Variants in KMT2C observed in about 807,000 individuals in gnomAD.
KMT2C encodes histone-lysine N-methyltransferase 2C.
In KMT2C, 88 loss-of-function variants were observed where a neutral mutation model predicts 507.9. The ratio of observed to expected loss-of-function variants is 0.17; its 90% CI spans 0.15 to 0.21. The LOEUF (loss-of-function observed/expected upper bound fraction) is 0.21. Among genes scored for constraint, KMT2C ranks in the 10% least tolerant of loss-of-function variants. The pLI is 1.00. For missense variants in KMT2C, 4,954 were observed against 5,957.8 expected (o/e 0.83, Z 5.55); for synonymous variants, 2,049 against 2,080.8 (o/e 0.98, Z 0.42).
At chr7:152,390,650 C>A (rs374466206) in intron 1 of KMT2C, among the ~76,000 whole-genome samples, 1 of 151,090 alleles carries the variant, frequency 6.6e-6, no homozygotes, top group Non-Finnish European at 1.5e-5. Flanking sequence ...CAAGATCAAA[C>A]AGATTAAATG....
chr7:152,372,361 G>A lies in KMT2C; in HGVS notation c.162-13686C>T, dbSNP rs190413308. On this transcript the variant is annotated intron_variant, in intron 1 of 58. Transcript: ENST00000262189. Reference sequence around the variant, plus strand: ...AGTAAAGATGGGGTTTCACCATGTTGGTCAGGCTGGTCTCAAACTCCTGAC... The same window carrying A: ...AGTAAAGATGGGGTTTCACCATGTTAGTCAGGCTGGTCTCAAACTCCTGAC... Among the ~76,000 whole-genome samples, 326 of 152,074 alleles carry A rather than the reference G, an allele frequency of 2.1e-3. 3 individuals are homozygous for A. The highest frequency in any genetic ancestry group is 0.01 in the Middle Eastern group (3 of 294).
chr7:152,136,983 G>T, intron 58 of KMT2C, 59 bp from the exon 59 acceptor site: 2 of 1,249,992 alleles, frequency 1.6e-6, no homozygotes, highest in Non-Finnish European at 2.3e-6. Flanking sequence ...TAGCGTTTCT[G>T]CCTCCATCTC....
chr7:152,193,091 G>A (rs1286501265), intron 31 of KMT2C, among the ~76,000 whole-genome samples: 3 of 152,106 alleles, frequency 2.0e-5, no homozygotes, highest in African/African-American at 4.8e-5. Flanking sequence ...CAGTAGGATC[G>A]CTTGAGCCCA....
chr7:152,322,367 A>G (rs760830522), intron 3 of KMT2C, among the ~76,000 whole-genome samples: 5 of 151,872 alleles, frequency 3.3e-5, no homozygotes, highest in Non-Finnish European at 5.9e-5. Flanking sequence ...GGCTCAAAAA[A>G]CAAGAAGACA....
At chr7:152,310,193 G>A (rs1719528073) in intron 5 of KMT2C, 118 bp from the exon 6 acceptor site, 3 of 670,802 alleles carry the variant, frequency 4.5e-6, no homozygotes, top group Admixed American at 2.8e-5. Flanking sequence ...ATGGCATCCT[G>A]TATTTGTGAT....
chr7:152,200,005 T>C (rs1226881768), intron 26 of KMT2C, among the ~76,000 whole-genome samples: 1 of 152,196 alleles, frequency 6.6e-6, no homozygotes, highest in Non-Finnish European at 1.5e-5. Flanking sequence ...TCCATTTCAA[T>C]ATACTTTCAA....
chr7:152,267,958 G>GT (rs1207337511), intron 7 of KMT2C, among the ~76,000 whole-genome samples: 56 of 151,852 alleles, frequency 3.7e-4, no homozygotes, highest in African/African-American at 1.3e-3. Flanking sequence ...TTGAAATTTT[G>GT]TTTTTCTGCT....
intron 9 of KMT2C, among the ~76,000 whole-genome samples, chr7:152,259,297 T>C (rs756543908): frequency 6.6e-6 from 1 of 152,180 alleles, no homozygotes; most frequent in South Asian, 2.1e-4. Context: ...GTTTAGGAAG[T>C]TGATAGCAGG....
chr7:152,410,882 C>T (rs923455412), intron 1 of KMT2C, among the ~76,000 whole-genome samples: 3 of 151,210 alleles, frequency 2.0e-5, no homozygotes, highest in African/African-American at 7.3e-5. Context: ...CACATCCCCA[C>T]GGCCCCAGCT....
chr7:152,160,713 C>T (rs1481107953), intron 43 of KMT2C, among the ~76,000 whole-genome samples: 2 of 149,536 alleles, frequency 1.3e-5, no homozygotes, highest in East Asian at 1.9e-4. Flanking sequence ...TTAAATCACA[C>T]TTTAATTTGG....
At chr7:152,412,328 G>A (rs1324922820) in intron 1 of KMT2C, among the ~76,000 whole-genome samples, 3 of 152,218 alleles carry the variant, frequency 2.0e-5, no homozygotes, top group East Asian at 3.8e-4. Flanking sequence ...TTGAACCCGG[G>A]AGGCGGAGGT....
intron 9 of KMT2C, among the ~76,000 whole-genome samples, chr7:152,261,977 C>G (rs367732303): frequency 2.6e-5 from 4 of 152,068 alleles, no homozygotes. Flanking sequence ...TTTTTCCCCC[C>G]AGGAGAGAAA....
At chr7:152,221,793 T>C (rs912005352) in intron 22 of KMT2C, among the ~76,000 whole-genome samples, 1 of 152,206 alleles carries the variant, frequency 6.6e-6, no homozygotes, top group African/African-American at 2.4e-5. Context: ...GCTGTTATTT[T>C]TGTTGCCTAC....
In KMT2C at chr7:152,182,457, T is replaced by C. The variant is rs770578174; in HGVS notation, c.5403A>G (p.Thr1801=). ...QHLLVQSGSD[T]PSSGIQSPLT... is the part of the protein sequence containing the mutation. ...AGGGACTCTGTATCCCACTACTTGG[T>C]GTATCTGAACCAGACTGCACCAGAA... is the stretch of plus-strand genomic sequence containing the variant. The change falls in exon 36 of 59, where the codon ACA becomes ACG. Residue 1801 remains threonine, a synonymous_variant. Transcript: ENST00000262189. 2.5e-6 allele frequency: 4 copies of C among 1,614,120 alleles called. No homozygotes were observed. The South Asian group carries it at 3.3e-5, about 13-fold the overall frequency.
chr7:152,249,698 A>AAAAAAAAAAAAAAAAAC (rs2095533593), intron 13 of KMT2C, among the ~76,000 whole-genome samples, 178 bp downstream of exon 13: 1 of 150,552 alleles, frequency 6.6e-6, no homozygotes, highest in Admixed American at 6.6e-5. Flanking sequence ...AAAAAAAAAA[A>AAAAAAAAAAAAAAAAAC]ACCTTTCAAG....
intron 14 of KMT2C, among the ~76,000 whole-genome samples, chr7:152,246,140 G>C (rs2095469260): frequency 6.6e-6 from 1 of 152,134 alleles, no homozygotes; most frequent in African/African-American, 2.4e-5. Context: ...CTCACCAATG[G>C]AAGATCTATC....
At chr7:152,195,358 T>C (rs575397553) in intron 28 of KMT2C, among the ~76,000 whole-genome samples, 23 of 152,216 alleles carry the variant, frequency 1.5e-4, no homozygotes, top group Non-Finnish European at 2.9e-4. Flanking sequence ...AGTACAGCTA[T>C]ACTATGCTTT....
At chr7:152,434,297 G>C (rs1286358244) in intron 1 of KMT2C, among the ~76,000 whole-genome samples, 1 of 152,138 alleles carries the variant, frequency 6.6e-6, no homozygotes, top group Admixed American at 6.5e-5. Context: ...TCATAGCTAG[G>C]TAACAGCTGG....
At chr7:152,347,752 AAAAC>A (rs1402963691) in intron 2 of KMT2C, among the ~76,000 whole-genome samples, 39 of 152,250 alleles carry the variant, frequency 2.6e-4, no homozygotes, top group Non-Finnish European at 4.0e-4. Flanking sequence ...AGTAAACAAT[AAAAC>A]AGACAAGTAT....
Sources: gnomAD v4.1 joint callset for allele counts (sites outside exome capture counted in the v4.1 genomes callset) on GRCh38, gnomAD v4.1.1 for gene constraint, MANE v1.5 for transcripts, NCBI Gene and HGNC (gene_info 2026-07-23, HGNC 2026-07-21) for gene names.